Variants in MGA observed in about 807,000 individuals in gnomAD.
The protein encoded by MGA is MAX gene-associated protein.
Under a neutral mutation model 261.1 loss-of-function variants are expected in MGA, and 40 were observed. That is an observed-to-expected ratio of 0.15 (90% confidence interval 0.12 to 0.20). The LOEUF is 0.20. MGA is among the 10% of genes least tolerant of loss of function. The probability of loss-of-function intolerance (pLI) is 1.00; values close to 1 mark genes in which losing one functional copy is unlikely to be tolerated. For missense variants in MGA, 3,397 were observed against 3,630.5 expected (o/e 0.94, Z 1.65); for synonymous variants, 1,302 against 1,290.6 (o/e 1.01, Z -0.19).
chr15:41,710,957 G>C lies in MGA; in HGVS notation c.2692G>C (p.Ala898Pro), dbSNP rs867268135. 1 of 1,613,868 alleles carries C rather than the reference G, an allele frequency of 6.2e-7. No individual in the cohort carries two copies. Among genetic ancestry groups the C allele is most frequent in the Middle Eastern group, 1.6e-4 (1 of 6,062 alleles). ...TTCTGTACCCCCTGTCTCTCGAAAG[G>C]CAAAGTCTCAAAACAGACAGGCAAC... is the stretch of plus-strand genomic sequence containing the variant. Residue 898 changes from alanine (A) to proline (P), a missense_variant, in exon 8 of 24, where the codon GCA (alanine) becomes CCA (proline). By Grantham distance (27) the Ala-to-Pro change is conservative. Coordinates refer to ENST00000219905, the MANE Select transcript of MGA (RefSeq NM_001164273.2).
At position 41,714,138 on chromosome 15, in the gene MGA, CAG is replaced by C. The variant is rs1412230605; in HGVS notation, c.3430+643_3430+644del. On this transcript the variant is annotated intron_variant, in intron 9 of 23. Transcript: ENST00000219905. ...AATTGAAACAGGTTTCTTAGTTTAT[CAG>C]GGGATTAATACTCCTTTTCTTGGCA... Among the ~76,000 whole-genome samples the C allele has an allele frequency of 3.3e-5, 5 of 152,204 alleles. 1 individual carries two copies. The highest frequency in any genetic ancestry group is 6.8e-3 in the Middle Eastern group (2 of 294).
chr15:41,672,866 G>A (rs913509877), intron 2 of MGA, among the ~76,000 whole-genome samples: 1 of 150,306 alleles, frequency 6.7e-6, no homozygotes, highest in Non-Finnish European at 1.5e-5. Flanking sequence ...ACATGCGTGT[G>A]CACACACACA....
At chr15:41,661,098 T>C (rs1464256475) in intron 1 of MGA, among the ~76,000 whole-genome samples, 1 of 152,132 alleles carries the variant, frequency 6.6e-6, no homozygotes, top group Admixed American at 6.5e-5. Flanking sequence ...ACGTCAAGTT[T>C]AATAAAGGAG....
At chr15:41,718,498 T>G (rs2060774526) in intron 9 of MGA, 1 of 612,384 alleles carries the variant, frequency 1.6e-6, no homozygotes, top group Non-Finnish European at 3.0e-6. Context: ...TGATCAATCT[T>G]GCACTGCTCT....
rs2063959493 is a variant in MGA at position 41,769,855 on chromosome 15, T to A, written c.*2575T>A. ...TTTTCTGCTTTCGAAAAGTGACTAT[T>A]TTTTTAGAAATCTAAGAACAGAAGT... On this transcript the variant is annotated 3_prime_UTR_variant, in exon 24 of 24. Coordinates refer to ENST00000219905, the MANE Select transcript of MGA (RefSeq NM_001164273.2). 6.6e-6 allele frequency: 1 copy of A among 152,594 alleles called. No individual in the cohort carries two copies. The highest frequency in any genetic ancestry group is 1.5e-5 in the Non-Finnish European group (1 of 68,020). 9.5% of individuals were successfully genotyped at this position (152,594 alleles called of 1,614,324 possible).
chr15:41,766,415 T>C lies in MGA; in HGVS notation c.8333T>C (p.Leu2778Ser). The C allele has an allele frequency of 6.2e-7, 1 of 1,613,818 alleles. No homozygotes were observed. The highest frequency in any genetic ancestry group is 1.3e-5 in the African/African-American group (1 of 75,014). ...TCAAAGGATTCTTCATTTCATAAAT[T>C]AAAGATGAAAGATCTCAAGGACTCA... Residue 2778 changes from leucine to serine, a missense_variant, in exon 24 of 24, where the codon TTA becomes TCA. Physicochemically the swap from Leu to Ser is moderately radical, Grantham distance 145 (BLOSUM62 -2). Around this residue, in one of 9 missense-constraint regions of MGA, gnomAD observed 647 missense variants for 642.4 expected, o/e 1.01. Coordinates refer to ENST00000219905, the MANE Select transcript of MGA (RefSeq NM_001164273.2).
intron 2 of MGA, among the ~76,000 whole-genome samples, chr15:41,693,982 AAG>A (rs2059420827): frequency 6.6e-6 from 1 of 152,158 alleles, no homozygotes; most frequent in African/African-American, 2.4e-5. Context: ...CAAGAAATCT[AAG>A]AAAATATTTC....
chr15:41,743,656 A>G (rs991493489), intron 15 of MGA, among the ~76,000 whole-genome samples: 2 of 152,152 alleles, frequency 1.3e-5, no homozygotes, highest in East Asian at 3.8e-4. Flanking sequence ...CCTCAAATGC[A>G]GATGTTCCTT....
intron 2 of MGA, among the ~76,000 whole-genome samples, chr15:41,683,912 T>C (rs1302794407): frequency 6.6e-6 from 1 of 151,898 alleles, no homozygotes; most frequent in Non-Finnish European, 1.5e-5. Flanking sequence ...TTCCCTTTCC[T>C]TTTTTTAAAA....
chr15:41,652,204 A>C (rs1276712546), intron 1 of MGA, among the ~76,000 whole-genome samples: 3 of 148,036 alleles, frequency 2.0e-5, no homozygotes, highest in Non-Finnish European at 4.5e-5. Context: ...CAATCTCCTG[A>C]GCTCGTGATC....
intron 22 of MGA, among the ~76,000 whole-genome samples, chr15:41,764,655 T>G (rs1166238860): frequency 6.6e-6 from 1 of 152,116 alleles, no homozygotes; most frequent in African/African-American, 2.4e-5. Context: ...CACCTCAGCC[T>G]TCCTAGTAGC....
chr15:41,650,214 G>A lies in MGA; in HGVS notation c.-67-18614G>A, dbSNP rs146159849. On this transcript the variant is annotated intron_variant, in intron 1 of 8. Transcript: ENST00000566718. ...TTGAGGGTAGGAATCATGTCTTTGC[G>A]TTCCAGGATATGTACATGGTAAGTG... 1.6e-3 allele frequency among the ~76,000 whole-genome samples: 240 copies of A among 152,226 alleles called. 3 individuals carry two copies. The East Asian group carries it at 0.017, about 11-fold the overall frequency.
rs2061768955 is a variant in MGA, at chr15:41,736,205, A to T, written c.3941A>T (p.Asn1314Ile). 1 of 1,578,124 alleles carries T rather than the reference A, an allele frequency of 6.3e-7. No individual in the cohort carries two copies. Among genetic ancestry groups the T allele is most frequent in the African/African-American group, 1.4e-5 (1 of 73,448 alleles). The change falls in exon 13 of 24, where the codon AAT becomes ATT. Residue 1314 changes from asparagine to isoleucine, a missense_variant. This residue lies in a region of MGA where 1,410 missense variants were observed against 1,386.4 expected (regional missense o/e 1.02). Coordinates refer to ENST00000219905, the MANE Select transcript of MGA (RefSeq NM_001164273.2). ...GAAAAGAGCTGGAAGTCTTCCTGCA[A>T]TGAAGGAGAATCCTCTTCTACTTCT... is the stretch of plus-strand genomic sequence containing the variant.
At chr15:41,692,715 C>T (rs534295482) in intron 2 of MGA, among the ~76,000 whole-genome samples, 3 of 152,132 alleles carry the variant, frequency 2.0e-5, no homozygotes, top group African/African-American at 7.2e-5. Context: ...TGGAGGATTT[C>T]CTTTTTCTTT....
chr15:41,767,016 C>T lies in MGA; in HGVS notation c.8934C>T (p.Ser2978=). ...AGACTGGCTTGGAGAACAGCAACAG[C>T]ACAGACACTTTGTGGAGGCCTATGC... The change falls in exon 24 of 24, where the codon AGC becomes AGT. Residue 2978 remains serine (S), a synonymous_variant. Transcript: ENST00000219905. The T allele has an allele frequency of 1.9e-6, 3 of 1,614,014 alleles. No individual in the cohort carries two copies. Among genetic ancestry groups the T allele is most frequent in the South Asian group, 1.1e-5 (1 of 91,078 alleles).
intron 10 of MGA, 28 bp from the exon 11 acceptor site, chr15:41,729,136 G>A (rs1340518567): frequency 3.1e-6 from 5 of 1,603,894 alleles, no homozygotes; most frequent in Non-Finnish European, 4.3e-6. Flanking sequence ...CCCACTGTAT[G>A]GAATATTTTG....
At chr15:41,765,171 G>A in intron 23 of MGA, 109 bp downstream of exon 23, 1 of 1,278,688 alleles carries the variant, frequency 7.8e-7, no homozygotes, top group South Asian at 1.3e-5. Flanking sequence ...GAGCTATTCT[G>A]TTGGCATTTG....
chr15:41,683,211 T>C (rs1274052278), intron 2 of MGA, among the ~76,000 whole-genome samples: 3 of 152,064 alleles, frequency 2.0e-5, no homozygotes, highest in African/African-American at 2.4e-5. Context: ...TTCTCATCTT[T>C]GTACTGTGCT....
At chr15:41,659,095 A>G (rs796925188), upstream of MGA, among the ~76,000 whole-genome samples, 6 of 152,206 alleles carry the variant, frequency 3.9e-5, no homozygotes, top group African/African-American at 1.4e-4. Context: ...TTACTTTTCA[A>G]TTTTGCCTAG....
Sources: allele counts gnomAD v4.1 joint callset (sites outside exome capture counted in the v4.1 genomes callset), GRCh38; gene constraint gnomAD v4.1.1; regional missense constraint gnomAD v4.1.1; transcripts MANE v1.5; gene names NCBI Gene and HGNC (gene_info 2026-07-23, HGNC 2026-07-21).